The following COL4A6 variants were observed in gnomAD, a reference collection of about 807,000 sequenced individuals.
The protein encoded by COL4A6 is collagen alpha-6(IV) chain.
Under a neutral mutation model 126.7 loss-of-function variants are expected in COL4A6, and 59 were observed. The observed-to-expected ratio is 0.47, with a 90% CI of 0.38 to 0.58. COL4A6 has a LOEUF of 0.58. COL4A6 is among the 20% of genes least tolerant of loss of function. The pLI is 0.00. For synonymous variants in COL4A6, 547 were observed against 496.6 expected, an observed-to-expected ratio of 1.10 and a Z score of -1.35; for missense variants, 1,285 against 1,337.3, an observed-to-expected ratio of 0.96 and a Z score of 0.61.
At chrX:108,268,062 A>AT (rs1202914389) in intron 3 of COL4A6, 11 of 112,233 alleles carry the variant, frequency 9.8e-5, no homozygotes, top group African/African-American at 3.6e-4. Flanking sequence ...AAGCAGAAAT[A>AT]TAAGTGTTCA....
intron 3 of COL4A6, among the ~76,000 whole-genome samples, chrX:108,278,591 A>T (rs1321609930): frequency 5.4e-5 from 6 of 110,254 alleles, no homozygotes; most frequent in African/African-American, 1.7e-4. Flanking sequence ...CAGGAGAACT[A>T]CCCCAATCTA....
Position 108,178,777 on chromosome X carries a change from C to G in COL4A6, c.2422G>C (p.Val808Leu). 1 of 1,211,903 alleles carries G rather than the reference C, an allele frequency of 8.3e-7. No homozygotes were observed. The highest frequency in any genetic ancestry group is 1.1e-6 in the Non-Finnish European group (1 of 895,487). The stretch of plus-strand genomic sequence containing the variant: ...GATCCTGGGGTGCCTGGCTGTCCCA[C>G]CTGTCCTGGTGTCCCAGGGCTGCCC... ...ERGSPGTPGQ[V>L]GQPGTPGSSG... The change falls in exon 27 of 45, where the codon GTG becomes CTG. Residue 808 changes from valine (V) to leucine (L), a missense_variant. Coordinates refer to ENST00000334504, the MANE Select transcript of COL4A6 (RefSeq NM_033641.4).
At chrX:108,284,361 A>G (rs1188767557) in intron 3 of COL4A6, among the ~76,000 whole-genome samples, 1 of 110,998 alleles carries the variant, frequency 9.0e-6, no homozygotes, top group Non-Finnish European at 1.9e-5. Flanking sequence ...CCTAATGTAG[A>G]TGATGTGCTG....
chrX:108,317,777 A>G (rs1412851246), intron 2 of COL4A6, among the ~76,000 whole-genome samples: 1 of 111,643 alleles, frequency 9.0e-6, no homozygotes, highest in Non-Finnish European at 1.9e-5. Context: ...GTTCTGTTCC[A>G]TTGATCTATA....
At chrX:108,353,960 C>T in intron 2 of COL4A6, among the ~76,000 whole-genome samples, 1 of 111,611 alleles carries the variant, frequency 9.0e-6, no homozygotes, top group African/African-American at 3.3e-5. Flanking sequence ...CAAGACCAGC[C>T]TGGCCAACAT....
chrX:108,405,377 T>C (rs758669281), intron 2 of COL4A6, among the ~76,000 whole-genome samples: 73 of 108,219 alleles, frequency 6.7e-4, no homozygotes, highest in Non-Finnish European at 1.2e-3. Context: ...TAGAGATGGG[T>C]TTTCACCGTG....
intron 7 of COL4A6, 39 bp from the exon 8 acceptor site, chrX:108,210,043 T>G (rs781524864): frequency 4.2e-6 from 5 of 1,178,882 alleles, no homozygotes; most frequent in Non-Finnish European, 5.7e-6. Flanking sequence ...GTTTAATAAA[T>G]TAAGCCTGCA....
At chrX:108,396,379 G>T (rs1389299868) in intron 2 of COL4A6, among the ~76,000 whole-genome samples, 1 of 111,714 alleles carries the variant, frequency 9.0e-6, no homozygotes, top group Non-Finnish European at 1.9e-5. Context: ...TTGGAATGAA[G>T]AAGGTGAACG....
chrX:108,229,165 A>ATGT (rs911901873), intron 3 of COL4A6, among the ~76,000 whole-genome samples: 4 of 112,150 alleles, frequency 3.6e-5, no homozygotes, highest in African/African-American at 1.3e-4. Flanking sequence ...GTACATTAGC[A>ATGT]TGTTTTGTTT....
rs1486466984 is a variant in COL4A6 at position 108,175,118 on chromosome X, G to A, written c.2928C>T (p.Ala976=). The change falls in exon 30 of 45, where the codon GCC becomes GCT. Residue 976 remains alanine, a synonymous_variant. Transcript: ENST00000334504. ...TTGGCCCAGGAAATCCATTGGATCC[G>A]GCTGAGCCTTGAGAGCCTTTGTCTC... The part of the protein sequence containing the change: ...LKGDKGSQGS[A]GSNGFPGPRG... 13 of 1,199,112 alleles carry A rather than the reference G, an allele frequency of 1.1e-5. No homozygotes were observed. Among genetic ancestry groups the A allele is most frequent in the African/African-American group, 3.5e-5 (2 of 56,485 alleles).
chrX:108,229,628 A>C (rs1048962874), intron 3 of COL4A6, among the ~76,000 whole-genome samples: 2 of 112,687 alleles, frequency 1.8e-5, no homozygotes, highest in African/African-American at 6.4e-5. Flanking sequence ...TGCATATATT[A>C]AATGTGCAAT....
chrX:108,399,081 C>T (rs956663599), intron 2 of COL4A6, among the ~76,000 whole-genome samples: 1 of 111,005 alleles, frequency 9.0e-6, no homozygotes, highest in African/African-American at 3.3e-5. Flanking sequence ...ATCTATTTTG[C>T]TGGCCATGGT....
chrX:108,269,390 G>C (rs192846054), intron 3 of COL4A6, among the ~76,000 whole-genome samples: 1 of 111,427 alleles, frequency 9.0e-6, no homozygotes, highest in East Asian at 2.8e-4. Context: ...AAAACCAGAG[G>C]CATAGAGTTG....
At chrX:108,322,935 G>A (rs1020941260) in intron 2 of COL4A6, among the ~76,000 whole-genome samples, 1 of 112,265 alleles carries the variant, frequency 8.9e-6, no homozygotes, top group Non-Finnish European at 1.9e-5. Context: ...TTAACTGAGT[G>A]TCATCTGTTT....
chrX:108,274,210 G>A (rs903609672), intron 3 of COL4A6, among the ~76,000 whole-genome samples: 1 of 111,576 alleles, frequency 9.0e-6, no homozygotes, highest in African/African-American at 3.3e-5. Context: ...ATGCTACATG[G>A]GGCTACATGG....
At chrX:108,293,102 C>T (rs1408478393) in intron 3 of COL4A6, among the ~76,000 whole-genome samples, 1 of 106,967 alleles carries the variant, frequency 9.3e-6, no homozygotes, top group Non-Finnish European at 1.9e-5. Flanking sequence ...GTGCCCAAGT[C>T]TCCAAGCCTT....
intron 35 of COL4A6, 146 bp from the exon 36 acceptor site, chrX:108,170,162 G>A (rs1272792545): frequency 6.0e-6 from 3 of 499,701 alleles, no homozygotes; most frequent in South Asian, 6.6e-5. Flanking sequence ...ATGCCCTAAG[G>A]GAGAAGAAAA....
At chrX:108,161,785 G>T in intron 41 of COL4A6, 50 bp from the exon 42 acceptor site, 1 of 856,124 alleles carries the variant, frequency 1.2e-6, no homozygotes, top group South Asian at 2.1e-5. Context: ...AGGGTCCCCA[G>T]GCACCTTCCC....
At chrX:108,439,446 A>G, upstream of COL4A6, 1 of 542,300 alleles carries the variant, frequency 1.8e-6, no homozygotes, top group Non-Finnish European at 2.7e-6. Flanking sequence ...AGCAGCTGGA[A>G]GGTAAAGAAG....
Sources: allele counts gnomAD v4.1 joint callset (sites outside exome capture counted in the v4.1 genomes callset), GRCh38; gene constraint gnomAD v4.1.1; transcripts MANE v1.5; gene names NCBI Gene and HGNC (gene_info 2026-07-23, HGNC 2026-07-21).